The following GNAS variants were observed in gnomAD, a reference collection of about 807,000 sequenced individuals.
GNAS encodes GNAS complex locus, also known as protein ALEX.
A neutral mutation model predicts 54.5 loss-of-function variants in GNAS; 8 were observed. The observed-to-expected ratio is 0.15, with a 90% CI of 0.09 to 0.26. The LOEUF (loss-of-function observed/expected upper bound fraction) is 0.26. GNAS is among the 10% of genes least tolerant of loss of function. The probability of loss-of-function intolerance (pLI) is 1.00; values close to 1 mark genes in which losing one functional copy is unlikely to be tolerated. For missense variants in GNAS, 170 were observed against 529.8 expected, an observed-to-expected ratio of 0.32 and a Z score of 6.67; for synonymous variants, 204 against 191.4, an observed-to-expected ratio of 1.07 and a Z score of -0.54.
At position 58,891,790 on chromosome 20, in the gene GNAS, G is replaced by T; in HGVS notation, c.64G>T (p.Ala22Ser). ...QRNEEKAQRE[A>S]NKKIEKQLQK... ...CAACGAGGAGAAGGCGCAGCGTGAG[G>T]CCAACAAAAAGATCGAGAAGCAGCT... Residue 22 changes from alanine to serine, a missense_variant, in exon 1 of 13, where the codon GCC (alanine) becomes TCC (serine). This residue lies in a region of GNAS where 56 missense variants were observed against 55.7 expected (regional missense o/e 1.01). Coordinates refer to ENST00000371085, the MANE Select transcript of GNAS (RefSeq NM_000516.7). The T allele has an allele frequency of 7.8e-7, 1 of 1,286,966 alleles. No homozygotes were observed. 79.7% of individuals were successfully genotyped at this position (1,286,966 alleles called of 1,614,324 possible).
At chr20:58,855,742 C>T in intron 1 of GNAS, 1 of 620,930 alleles carries the variant, frequency 1.6e-6, no homozygotes, top group Non-Finnish European at 2.9e-6. Context: ...GGGGAAGGCG[C>T]GCCCCGCCTC....
Position 58,841,598 on chromosome 20 carries a change from G to A in GNAS, c.43+712G>A. ...CTCGCGGGACAGAGACCGCCTCAAA[G>A]AGCGTGCGCACCTGCCCGCGCGCGC... On this transcript the variant is annotated intron_variant, in intron 1 of 12. Transcript: ENST00000306090. The surrounding 1 kb of genome is among the most constrained non-coding windows in gnomAD (Gnocchi z 5.0). The A allele has an allele frequency of 2.9e-6, 3 of 1,025,444 alleles. No individual in the cohort carries two copies. Among genetic ancestry groups the A allele is most frequent in the Non-Finnish European group, 3.5e-6 (3 of 856,524 alleles). The allele number at this position is 1,025,444 out of a possible 1,614,324, so 63.5% of individuals were successfully genotyped here. A position where few individuals can be genotyped will look rare whatever the true frequency, so the allele number is the denominator to read the frequency against.
chr20:58,888,936 C>T (rs949480520), upstream of GNAS: 1 of 258,476 alleles, frequency 3.9e-6, no homozygotes, highest in Non-Finnish European at 6.0e-6. Flanking sequence ...GAGCGCCCAC[C>T]GCCTTGGGCG....
rs1194004221 is a variant in GNAS, at chr20:58,911,160, A to T, written c.*331A>T. The T allele has an allele frequency of 2.0e-6, 1 of 497,312 alleles. No homozygotes were observed. The highest frequency in any genetic ancestry group is 1.9e-5 in the African/African-American group (1 of 51,568). The allele number at this position is 497,312 out of a possible 1,614,324, so 30.8% of individuals were successfully genotyped here. A position where few individuals can be genotyped will look rare whatever the true frequency, so the allele number is the denominator to read the frequency against. On this transcript the variant is annotated 3_prime_UTR_variant, in exon 13 of 13. Transcript: ENST00000371085. ...ATATTGTGTTGTGCAGCATTAAAAA[A>T]AATCAAAATAAAAATTAAATGTGAG...
intron 1 of GNAS, among the ~76,000 whole-genome samples, chr20:58,885,460 GT>G (rs1262047309): frequency 1.3e-5 from 2 of 152,196 alleles, no homozygotes; most frequent in Non-Finnish European, 2.9e-5. Flanking sequence ...TTTAAAATGA[GT>G]TGATGGATAA....
chr20:58,898,910 A>AT, intron 2 of GNAS, 31 bp from the exon 3 acceptor site: 1 of 1,603,592 alleles, frequency 6.2e-7, no homozygotes, highest in South Asian at 1.1e-5. Context: ...TGCCTTGCAG[A>AT]TTAGGTGAGC....
chr20:58,853,941 T>C lies in GNAS; in HGVS notation c.43+13055T>C. The C allele has an allele frequency of 6.2e-7, 1 of 1,611,846 alleles. No homozygotes were observed. The highest frequency in any genetic ancestry group is 8.5e-7 in the Non-Finnish European group (1 of 1,179,500). The stretch of plus-strand genomic sequence containing the variant: ...CCCTCCCCCTGAGGAGACTATGCCA[T>C]TTGAGCTTGATGGAGAAGGATTTGG... On this transcript the variant is annotated intron_variant, in intron 1 of 12. Transcript: ENST00000306090. The surrounding 1 kb of genome is among the most constrained non-coding windows in gnomAD (Gnocchi z 4.4).
intron 3 of GNAS, 99 bp from the exon 4 acceptor site, chr20:58,903,432 C>G: frequency 9.9e-7 from 1 of 1,013,632 alleles, no homozygotes; most frequent in Non-Finnish European, 1.5e-6. Context: ...CCCTGAAGAA[C>G]AGAATACTAT....
At chr20:58,882,503 T>A (rs1196523616) in intron 1 of GNAS, among the ~76,000 whole-genome samples, 3 of 152,166 alleles carry the variant, frequency 2.0e-5, no homozygotes, top group African/African-American at 4.8e-5. Flanking sequence ...TGGGAAAAAA[T>A]TTGAGTTAGG....
chr20:58,899,731 G>A (rs534868687), intron 3 of GNAS, among the ~76,000 whole-genome samples: 54 of 151,344 alleles, frequency 3.6e-4, no homozygotes, highest in African/African-American at 1.2e-3. Context: ...CACACGCGCC[G>A]CGCACACACA....
chr20:58,885,938 T>C (rs971173867), intron 1 of GNAS, among the ~76,000 whole-genome samples: 1 of 152,234 alleles, frequency 6.6e-6, no homozygotes, highest in Non-Finnish European at 1.5e-5. Flanking sequence ...TAAAATAATA[T>C]TATAATTACA....
At chr20:58,868,022 C>CTTT (rs370255144) in intron 1 of GNAS, among the ~76,000 whole-genome samples, 23 of 132,592 alleles carry the variant, frequency 1.7e-4, no homozygotes, top group Middle Eastern at 3.8e-3. Flanking sequence ...TTCTTTCTTT[C>CTTT]TTTTTTTTTT....
upstream of GNAS, chr20:58,889,264 C>T: frequency 9.5e-7 from 1 of 1,056,542 alleles, no homozygotes; most frequent in Non-Finnish European, 1.1e-6. Flanking sequence ...GGCTGCGGCG[C>T]GGCGGCTGGA....
chr20:58,862,412 G>A (rs1299633571), intron 1 of GNAS, among the ~76,000 whole-genome samples: 1 of 152,006 alleles, frequency 6.6e-6, no homozygotes, highest in African/African-American at 2.4e-5. Context: ...GCCCACCTTG[G>A]CCTCCCAAAG....
At chr20:58,864,886 C>A (rs542172591) in intron 1 of GNAS, among the ~76,000 whole-genome samples, 176 of 151,964 alleles carry the variant, frequency 1.2e-3, no homozygotes, top group Non-Finnish European at 2.0e-3. Flanking sequence ...TTGTCCTATG[C>A]ACTGTGGGAT....
chr20:58,878,391 C>T (rs1244707191), intron 1 of GNAS, among the ~76,000 whole-genome samples: 1 of 152,226 alleles, frequency 6.6e-6, no homozygotes, highest in Non-Finnish European at 1.5e-5. Context: ...TAATGGGCAG[C>T]TGGTAATGAA....
At chr20:58,903,356 G>A in intron 3 of GNAS, 175 bp from the exon 4 acceptor site, 1 of 706,738 alleles carries the variant, frequency 1.4e-6, no homozygotes, top group Non-Finnish European at 2.5e-6. Context: ...ACATTTGGGA[G>A]GTTATAATTT....
chr20:58,867,147 G>C (rs957899694), intron 1 of GNAS, among the ~76,000 whole-genome samples: 1 of 152,146 alleles, frequency 6.6e-6, no homozygotes, highest in African/African-American at 2.4e-5. Context: ...TTGAAATTTT[G>C]CCTGCGAAAG....
Position 58,909,235 on chromosome 20 carries a change from C to G in GNAS, c.585+19C>G, listed in dbSNP as rs77633838. ...CGATCAGGTGTGCAAAACCCCTCCC[C>G]ACCAGAGGACTCTGAGCCCTCTTTC... On this transcript the variant is annotated intron_variant, in intron 7 of 12. Coordinates refer to ENST00000371085, the MANE Select transcript of GNAS (RefSeq NM_000516.7). The surrounding 1 kb of genome is among the most constrained non-coding windows in gnomAD (Gnocchi z 7.3). 1.2e-6 allele frequency: 2 copies of G among 1,608,224 alleles called. No homozygotes were observed. The highest frequency in any genetic ancestry group is 8.5e-7 in the Non-Finnish European group (1 of 1,174,564).
Sources: gnomAD v4.1 joint callset for allele counts (sites outside exome capture counted in the v4.1 genomes callset) on GRCh38, gnomAD v4.1.1 for gene constraint, gnomAD v4.1.1 regional missense constraint, Gnocchi (gnomAD v3.1) non-coding constraint, MANE v1.5 for transcripts, NCBI Gene and HGNC (gene_info 2026-07-23, HGNC 2026-07-21) for gene names.